The following TTC29 variants were observed in gnomAD, a reference collection of about 807,000 sequenced individuals.
TTC29 encodes the protein tetratricopeptide repeat domain 29, also known as tetratricopeptide repeat protein 29.
A neutral mutation model predicts 58.1 loss-of-function variants in TTC29; 49 were observed. The ratio of observed to expected loss-of-function variants is 0.84; its 90% CI spans 0.67 to 1.07. TTC29 has a LOEUF of 1.07. TTC29 is among the 50% of genes least tolerant of loss of function. TTC29 has a pLI of 0.00. For missense variants in TTC29, 582 were observed against 555.6 expected (o/e 1.05, Z -0.48); for synonymous variants, 209 against 196.8 (o/e 1.06, Z -0.52).
At chr4:146,856,592 T>A (rs1012593374) in intron 8 of TTC29, among the ~76,000 whole-genome samples, 40 of 151,676 alleles carry the variant, frequency 2.6e-4, no homozygotes, top group East Asian at 5.8e-4. Context: ...CTTTTGTCAT[T>A]TAAATGACAA....
intron 4 of TTC29, among the ~76,000 whole-genome samples, chr4:146,930,950 G>A (rs773596231): frequency 6.6e-6 from 1 of 152,208 alleles, no homozygotes; most frequent in Non-Finnish European, 1.5e-5. Flanking sequence ...ACGGGCTATT[G>A]TAGGAAGAAC....
chr4:146,885,195 T>A (rs535578287), intron 6 of TTC29, among the ~76,000 whole-genome samples: 1 of 151,836 alleles, frequency 6.6e-6, no homozygotes, highest in African/African-American at 2.4e-5. Context: ...CACTACCCTA[T>A]AACTGACCCA....
chr4:146,765,491 G>T (rs527609084), intron 11 of TTC29, among the ~76,000 whole-genome samples: 2 of 152,018 alleles, frequency 1.3e-5, no homozygotes, highest in Non-Finnish European at 2.9e-5. Context: ...ACGAGCCAAC[G>T]CGCTCAGCCC....
At chr4:146,891,514 A>G (rs1328358217) in intron 6 of TTC29, among the ~76,000 whole-genome samples, 1 of 152,212 alleles carries the variant, frequency 6.6e-6, no homozygotes, top group Non-Finnish European at 1.5e-5. Context: ...GCAGACAAAC[A>G]TATTTGTTGC....
intron 10 of TTC29, among the ~76,000 whole-genome samples, 180 bp downstream of exon 10, chr4:146,819,945 G>A (rs533853828): frequency 6.6e-6 from 1 of 152,298 alleles, no homozygotes; most frequent in African/African-American, 2.4e-5. Context: ...AGGAGAAGGA[G>A]GAGGAGGCAT....
At chr4:146,843,621 T>C (rs1291235402) in intron 8 of TTC29, among the ~76,000 whole-genome samples, 1 of 152,152 alleles carries the variant, frequency 6.6e-6, no homozygotes, top group African/African-American at 2.4e-5. Context: ...ACCTTGTGCT[T>C]CAGTTTACAA....
chr4:146,784,306 T>C (rs1379529040), intron 11 of TTC29, among the ~76,000 whole-genome samples: 1 of 152,032 alleles, frequency 6.6e-6, no homozygotes, highest in Non-Finnish European at 1.5e-5. Context: ...AAATTAAAAA[T>C]AGTAAAATTG....
At chr4:146,861,698 G>T (rs1730242902) in intron 8 of TTC29, among the ~76,000 whole-genome samples, 1 of 151,654 alleles carries the variant, frequency 6.6e-6, no homozygotes, top group South Asian at 2.1e-4. Flanking sequence ...AGATACATTA[G>T]CAAAATTTCA....
At chr4:146,861,647 C>T (rs1476986568) in intron 8 of TTC29, among the ~76,000 whole-genome samples, 1 of 152,100 alleles carries the variant, frequency 6.6e-6, no homozygotes, top group African/African-American at 2.4e-5. Context: ...TCTTCTATGA[C>T]TGTATTAATA....
intron 8 of TTC29, among the ~76,000 whole-genome samples, chr4:146,838,808 T>G (rs1728670630): frequency 6.6e-6 from 1 of 152,036 alleles, no homozygotes; most frequent in Non-Finnish European, 1.5e-5. Flanking sequence ...TGTTTTCCTA[T>G]TTCTCACCCC....
At chr4:146,879,999 C>T (rs1037365264) in intron 6 of TTC29, among the ~76,000 whole-genome samples, 1 of 152,076 alleles carries the variant, frequency 6.6e-6, no homozygotes, top group African/African-American at 2.4e-5. Context: ...AAGGAAGACA[C>T]ACTAACTGCT....
At chr4:146,767,218 G>C (rs1395408711) in intron 11 of TTC29, among the ~76,000 whole-genome samples, 1 of 151,866 alleles carries the variant, frequency 6.6e-6, no homozygotes, top group Non-Finnish European at 1.5e-5. Context: ...GAGAGCCCTG[G>C]TTTTAGTCCT....
At chr4:146,886,644 A>C (rs933716581) in intron 6 of TTC29, among the ~76,000 whole-genome samples, 2 of 152,124 alleles carry the variant, frequency 1.3e-5, no homozygotes, top group African/African-American at 4.8e-5. Context: ...AATTTTTTTA[A>C]ATTTATAATT....
intron 5 of TTC29, among the ~76,000 whole-genome samples, chr4:146,906,986 G>C (rs1733562524): frequency 6.6e-6 from 1 of 152,174 alleles, no homozygotes; most frequent in Non-Finnish European, 1.5e-5. Flanking sequence ...GCTTGGCATG[G>C]TGGTTTGTGC....
chr4:146,920,625 G>C (rs1333632035), intron 4 of TTC29, among the ~76,000 whole-genome samples: 1 of 147,336 alleles, frequency 6.8e-6, no homozygotes, highest in Non-Finnish European at 1.5e-5. Context: ...TGAGAAAAAA[G>C]TATATACACT....
At chr4:146,801,536 A>C (rs1750216062) in intron 11 of TTC29, among the ~76,000 whole-genome samples, 1 of 152,104 alleles carries the variant, frequency 6.6e-6, no homozygotes, top group Non-Finnish European at 1.5e-5. Context: ...CCCCTCTACC[A>C]TACAAATAGC....
intron 3 of TTC29, 98 bp downstream of exon 3, chr4:146,939,706 C>T: frequency 1.7e-6 from 2 of 1,160,212 alleles, no homozygotes; most frequent in Admixed American, 5.6e-5. Flanking sequence ...TTTTTCTCTT[C>T]TCTTGAAATG....
intron 11 of TTC29, among the ~76,000 whole-genome samples, chr4:146,792,607 CATCT>C (rs1460014783): frequency 1.3e-5 from 2 of 152,038 alleles, no homozygotes; most frequent in African/African-American, 4.8e-5. Context: ...ATAAAATATC[CATCT>C]GTTACCCATG....
chr4:146,906,712 C>T (rs1394012118), intron 5 of TTC29, among the ~76,000 whole-genome samples: 1 of 152,198 alleles, frequency 6.6e-6, no homozygotes, highest in Non-Finnish European at 1.5e-5. Flanking sequence ...TGTCCTTCAG[C>T]TGAAGTTTTT....
Sources: gnomAD v4.1 joint callset for allele counts (sites outside exome capture counted in the v4.1 genomes callset) on GRCh38, gnomAD v4.1.1 for gene constraint, MANE v1.5 for transcripts, NCBI Gene and HGNC (gene_info 2026-07-23, HGNC 2026-07-21) for gene names.